Variants in RYR2 observed in about 807,000 individuals in gnomAD.
RYR2 encodes the protein cardiac muscle ryanodine receptor-calcium release channel.
RYR2 carries 227 observed loss-of-function variants against 601.1 expected under a neutral mutation model. The observed-to-expected ratio is 0.38, with a 90% CI of 0.34 to 0.42. RYR2 has a LOEUF of 0.42. Ranked by LOEUF, RYR2 falls within the 10% of genes least tolerant of loss-of-function variation. The pLI, the probability that RYR2 is intolerant of heterozygous loss-of-function variation, is 1.00. For synonymous variants in RYR2, 2,223 were observed against 2,175.1 expected (o/e 1.02, Z -0.61); for missense variants, 4,646 against 6,156.5 (o/e 0.75, Z 8.21).
At chr1:237,326,097 C>A (rs1362594026) in intron 2 of RYR2, among the ~76,000 whole-genome samples, 1 of 152,148 alleles carries the variant, frequency 6.6e-6, no homozygotes, top group African/African-American at 2.4e-5. Flanking sequence ...GCAGATACAA[C>A]TCTGGAAGCC....
chr1:237,200,761 G>A (rs1681102976), intron 1 of RYR2, among the ~76,000 whole-genome samples: 1 of 152,110 alleles, frequency 6.6e-6, no homozygotes, highest in Admixed American at 6.5e-5. Flanking sequence ...AAACAGCATA[G>A]TACGTTTTCT....
chr1:237,681,246 G>A (rs16835619), intron 62 of RYR2, among the ~76,000 whole-genome samples: 3,802 of 152,192 alleles, frequency 0.025, 160 homozygotes, highest in African/African-American at 0.087. Flanking sequence ...GATTGTATCG[G>A]AACAAAATTT....
At chr1:237,754,484 TGA>T (rs1692782251) in intron 80 of RYR2, among the ~76,000 whole-genome samples, 1 of 152,172 alleles carries the variant, frequency 6.6e-6, no homozygotes. Context: ...CCATCTTCTG[TGA>T]GTTTCCTGAT....
intron 1 of RYR2, among the ~76,000 whole-genome samples, chr1:237,070,894 G>T (rs1396853274): frequency 6.6e-6 from 1 of 152,246 alleles, no homozygotes; most frequent in Non-Finnish European, 1.5e-5. Flanking sequence ...GAACTGCAGA[G>T]CCCCAAGGAG....
At chr1:237,594,313 G>A (rs3766869) in intron 33 of RYR2, among the ~76,000 whole-genome samples, 4,459 of 152,226 alleles carry the variant, frequency 0.029, 122 homozygotes, top group Middle Eastern at 0.071. Flanking sequence ...ACAGGTCTCC[G>A]AAAGAGTCCT....
intron 1 of RYR2, among the ~76,000 whole-genome samples, chr1:237,060,475 A>G (rs988241486): frequency 1.3e-5 from 2 of 152,222 alleles, no homozygotes; most frequent in Non-Finnish European, 2.9e-5. Context: ...AGCTTGATGA[A>G]TATTTGCAGT....
chr1:237,549,392 T>G (rs1416804768), intron 26 of RYR2, among the ~76,000 whole-genome samples: 1 of 151,884 alleles, frequency 6.6e-6, no homozygotes, highest in Non-Finnish European at 1.5e-5. Flanking sequence ...CTGGGCAACA[T>G]AGTGAGAGAC....
At chr1:237,194,925 G>A (rs1472434630) in intron 1 of RYR2, among the ~76,000 whole-genome samples, 1 of 152,126 alleles carries the variant, frequency 6.6e-6, no homozygotes, top group Non-Finnish European at 1.5e-5. Context: ...TTCTTCATAG[G>A]TAAAGTGAGG....
chr1:237,266,900 G>A (rs1207471732), intron 1 of RYR2, among the ~76,000 whole-genome samples: 1 of 152,112 alleles, frequency 6.6e-6, no homozygotes, highest in African/African-American at 2.4e-5. Context: ...TGTAGCTATA[G>A]CCTCTCTCCT....
chr1:237,085,259 A>G (rs1177505626), intron 1 of RYR2, among the ~76,000 whole-genome samples: 4 of 152,226 alleles, frequency 2.6e-5, no homozygotes, highest in African/African-American at 9.7e-5. Context: ...TATTTTATAA[A>G]ACTTTAGTCA....
intron 16 of RYR2, among the ~76,000 whole-genome samples, chr1:237,460,488 A>T (rs1659351703): frequency 6.6e-6 from 1 of 152,230 alleles, no homozygotes; most frequent in South Asian, 2.1e-4. Flanking sequence ...ATGTTGACTC[A>T]TCTACTTCCT....
At chr1:237,379,639 T>G (rs568163866) in intron 8 of RYR2, among the ~76,000 whole-genome samples, 1 of 152,326 alleles carries the variant, frequency 6.6e-6, no homozygotes, top group African/African-American at 2.4e-5. Flanking sequence ...TTTATTTTAT[T>G]TATTTTTTGA....
chr1:237,765,157 A>G (rs1693750975), intron 84 of RYR2, among the ~76,000 whole-genome samples: 1 of 152,116 alleles, frequency 6.6e-6, no homozygotes, highest in African/African-American at 2.4e-5. Flanking sequence ...ATCAAATTCA[A>G]AAACAAAACC....
intron 16 of RYR2, among the ~76,000 whole-genome samples, chr1:237,458,155 C>T (rs1304681862): frequency 6.6e-6 from 1 of 152,170 alleles, no homozygotes; most frequent in Non-Finnish European, 1.5e-5. Context: ...TAACCGGGCA[C>T]AGTGGCTGAC....
At chr1:237,240,497 G>A (rs1434769749) in intron 1 of RYR2, among the ~76,000 whole-genome samples, 4 of 151,778 alleles carry the variant, frequency 2.6e-5, no homozygotes, top group East Asian at 1.9e-4. Flanking sequence ...TGGCTTAGTG[G>A]CCTTGAGTAC....
chr1:237,288,188 A>G (rs564802216), intron 2 of RYR2, among the ~76,000 whole-genome samples: 4 of 152,290 alleles, frequency 2.6e-5, no homozygotes, highest in Admixed American at 6.5e-5. Context: ...TCAGCTGTGG[A>G]TACAAGTGTC....
At chr1:237,630,428 C>T (rs561461760) in intron 41 of RYR2, among the ~76,000 whole-genome samples, 26 of 152,154 alleles carry the variant, frequency 1.7e-4, no homozygotes, top group Middle Eastern at 6.8e-3. Context: ...CTGACCTATG[C>T]TATCTAAAAG....
chr1:237,127,340 C>T (rs1671556329), intron 1 of RYR2, among the ~76,000 whole-genome samples: 1 of 151,654 alleles, frequency 6.6e-6, no homozygotes, highest in African/African-American at 2.4e-5. Context: ...AGAGGGGCTC[C>T]TCACTTCCCA....
chr1:237,514,572 C>T (rs1291879257), intron 24 of RYR2, among the ~76,000 whole-genome samples: 1 of 152,126 alleles, frequency 6.6e-6, no homozygotes, highest in East Asian at 1.9e-4. Context: ...AAGATTCATA[C>T]CATGCCCAAT....
Sources: allele counts gnomAD v4.1 joint callset (sites outside exome capture counted in the v4.1 genomes callset), GRCh38; gene constraint gnomAD v4.1.1; transcripts MANE v1.5; gene names NCBI Gene and HGNC (gene_info 2026-07-23, HGNC 2026-07-21).